Variants in ASPH observed in about 807,000 individuals in gnomAD.
ASPH encodes aspartyl/asparaginyl beta-hydroxylase.
A neutral mutation model predicts 118.4 loss-of-function variants in ASPH; 100 were observed. That is an observed-to-expected ratio of 0.84 (90% confidence interval 0.72 to 1.00). The LOEUF (loss-of-function observed/expected upper bound fraction) is 1.00, where lower values mean the gene tolerates loss of function less well. Among genes scored for constraint, ASPH ranks in the 50% least tolerant of loss-of-function variants. The pLI, the probability that ASPH is intolerant of heterozygous loss-of-function variation, is 0.00. For synonymous variants in ASPH, 315 were observed against 325.6 expected (o/e 0.97, Z 0.35); for missense variants, 920 against 919.5 (o/e 1.00, Z -0.01).
At chr8:61,515,413 G>T (rs1413970051) in intron 24 of ASPH, among the ~76,000 whole-genome samples, 3 of 152,052 alleles carry the variant, frequency 2.0e-5, no homozygotes, top group Non-Finnish European at 4.4e-5. Flanking sequence ...CCTCCTCCTG[G>T]TCTACCCGAT....
intron 3 of ASPH, among the ~76,000 whole-genome samples, chr8:61,677,913 C>T (rs1162921738): frequency 6.6e-6 from 1 of 152,084 alleles, no homozygotes; most frequent in Non-Finnish European, 1.5e-5. Context: ...AGCATTTGAA[C>T]AAAACTGTTT....
At chr8:61,684,867 A>C (rs1829807905) in intron 1 of ASPH, among the ~76,000 whole-genome samples, 1 of 152,200 alleles carries the variant, frequency 6.6e-6, no homozygotes, top group South Asian at 2.1e-4. Flanking sequence ...AAAATAAACA[A>C]AAATGATTTG....
intron 14 of ASPH, among the ~76,000 whole-genome samples, chr8:61,599,381 A>G (rs867476036): frequency 6.6e-5 from 10 of 152,072 alleles, no homozygotes; most frequent in Non-Finnish European, 1.2e-4. Flanking sequence ...ATGACGAGTT[A>G]ATGGGTGCAG....
At chr8:61,582,580 A>G (rs1837912811) in intron 15 of ASPH, among the ~76,000 whole-genome samples, 1 of 152,270 alleles carries the variant, frequency 6.6e-6, no homozygotes, top group African/African-American at 2.4e-5. Context: ...GGAAGTGAAC[A>G]ATGACTTTGC....
intron 1 of ASPH, among the ~76,000 whole-genome samples, chr8:61,707,327 G>A (rs1167944183): frequency 1.3e-5 from 2 of 151,930 alleles, no homozygotes; most frequent in African/African-American, 4.8e-5. Context: ...ATTCAAAGGA[G>A]GAAACACAAG....
intron 10 of ASPH, among the ~76,000 whole-genome samples, chr8:61,639,389 C>T (rs1009015653): frequency 5.9e-5 from 9 of 152,138 alleles, no homozygotes; most frequent in Non-Finnish European, 4.4e-5. Flanking sequence ...GCTGAGACCC[C>T]CTCCAGTGCC....
At chr8:61,574,120 G>C (rs1834341153) in intron 16 of ASPH, among the ~76,000 whole-genome samples, 1 of 152,238 alleles carries the variant, frequency 6.6e-6, no homozygotes, top group Non-Finnish European at 1.5e-5. Flanking sequence ...CTGGTCATTA[G>C]AGAAATGCAA....
intron 5 of ASPH, among the ~76,000 whole-genome samples, chr8:61,648,905 T>C (rs1809462878): frequency 6.6e-6 from 1 of 152,052 alleles, no homozygotes; most frequent in African/African-American, 2.4e-5. Flanking sequence ...AAAGATGTGA[T>C]TGGGCGGGGT....
At chr8:61,559,111 A>C (rs1828901880) in intron 18 of ASPH, among the ~76,000 whole-genome samples, 1 of 152,196 alleles carries the variant, frequency 6.6e-6, no homozygotes, top group Non-Finnish European at 1.5e-5. Context: ...TGATACAGGC[A>C]TACTATGCAT....
intron 3 of ASPH, among the ~76,000 whole-genome samples, chr8:61,674,977 A>T (rs1824534711): frequency 6.6e-6 from 1 of 152,166 alleles, no homozygotes; most frequent in South Asian, 2.1e-4. Context: ...TATCTTCCTT[A>T]TCCCTAGAAG....
intron 13 of ASPH, chr8:61,623,700 T>C (rs1485100567): frequency 6.6e-6 from 1 of 152,188 alleles, no homozygotes; most frequent in Admixed American, 6.5e-5. Flanking sequence ...AAGAAATTAG[T>C]ATATTGAAGA....
intron 3 of ASPH, among the ~76,000 whole-genome samples, chr8:61,676,696 ACT>A (rs919925563): frequency 6.6e-6 from 1 of 151,882 alleles, no homozygotes; most frequent in African/African-American, 2.4e-5. Flanking sequence ...AAAGATATAT[ACT>A]CTGACAACCT....
intron 14 of ASPH, among the ~76,000 whole-genome samples, chr8:61,595,736 C>T (rs963838427): frequency 6.6e-6 from 1 of 152,162 alleles, no homozygotes; most frequent in African/African-American, 2.4e-5. Flanking sequence ...ATAAGAATGG[C>T]CTGGATGCAC....
chr8:61,592,809 T>C (rs371690850), intron 14 of ASPH, among the ~76,000 whole-genome samples: 21 of 152,326 alleles, frequency 1.4e-4, no homozygotes, highest in African/African-American at 4.8e-4. Flanking sequence ...CTAATTCTGC[T>C]TTTCTTTTTA....
chr8:61,622,593 T>C (rs1343696746), intron 13 of ASPH, among the ~76,000 whole-genome samples: 1 of 152,226 alleles, frequency 6.6e-6, no homozygotes, highest in Non-Finnish European at 1.5e-5. Context: ...TCTCCTTCTC[T>C]ACTAGCACTT....
chr8:61,615,963 G>C (rs1848873383), intron 14 of ASPH, among the ~76,000 whole-genome samples: 2 of 152,046 alleles, frequency 1.3e-5, no homozygotes. Flanking sequence ...AAAAATACAT[G>C]GAATTTCCAC....
At position 61,646,771 on chromosome 8, in the gene ASPH, C is replaced by T. The variant is rs749764771; in HGVS notation, c.598G>A (p.Glu200Lys). The T allele has an allele frequency of 1.5e-5, 24 of 1,613,218 alleles. No individual in the cohort carries two copies. In the East Asian group the frequency reaches 5.4e-4, roughly 36 times the overall value. The change falls in exon 6 of 25, where the codon GAA becomes AAA. Residue 200 changes from glutamate (E) to lysine (K), a missense_variant. By Grantham distance (56) the Glu-to-Lys change is moderately conservative. Coordinates refer to ENST00000379454, the MANE Select transcript of ASPH (RefSeq NM_004318.4). ...CTACCTTCATGAGATACTTCAGGTTCCAGGGTCTCAAATCTATCATCTACA... is the reference window on the plus strand; with the variant it reads ...CTACCTTCATGAGATACTTCAGGTTTCAGGGTCTCAAATCTATCATCTACA... Reference protein sequence around the residue: ...TDVDDRFETLEPEVSHEETEH... With the variant: ...TDVDDRFETLKPEVSHEETEH...
At chr8:61,517,482 T>G in intron 24 of ASPH, 46 bp downstream of exon 24, 1 of 1,598,452 alleles carries the variant, frequency 6.3e-7, no homozygotes, top group Non-Finnish European at 8.6e-7. Flanking sequence ...TAACAAACTC[T>G]CATCCTCTGA....
At chr8:61,700,873 T>G (rs1388866957) in intron 1 of ASPH, among the ~76,000 whole-genome samples, 1 of 152,246 alleles carries the variant, frequency 6.6e-6, no homozygotes, top group Non-Finnish European at 1.5e-5. Flanking sequence ...TCCTAAATAA[T>G]TCGGCATGAG....
Sources: gnomAD v4.1 joint callset for allele counts (sites outside exome capture counted in the v4.1 genomes callset) on GRCh38, gnomAD v4.1.1 for gene constraint, MANE v1.5 for transcripts, NCBI Gene and HGNC (gene_info 2026-07-23, HGNC 2026-07-21) for gene names.